Variants in NUDCD3 observed in about 807,000 individuals in gnomAD.
NUDCD3 encodes NudC domain containing 3.
In NUDCD3, 13 loss-of-function variants were observed where a neutral mutation model predicts 39.7. The ratio of observed to expected loss-of-function variants is 0.33; its 90% CI spans 0.21 to 0.52. The LOEUF is 0.52. Ranked by LOEUF, NUDCD3 falls within the 20% of genes least tolerant of loss-of-function variation. NUDCD3 has a pLI of 0.96. For missense variants in NUDCD3, 453 were observed against 458.1 expected (o/e 0.99, Z 0.10); for synonymous variants, 175 against 172.4 (o/e 1.02, Z -0.12).
chr7:44,407,426 G>A (rs767372114), intron 3 of NUDCD3, among the ~76,000 whole-genome samples: 4 of 151,770 alleles, frequency 2.6e-5, no homozygotes, highest in Non-Finnish European at 4.4e-5. Context: ...TTAGCCAGGC[G>A]TGGTGTTGTA....
At chr7:44,435,322 C>A (rs1182838381) in intron 2 of NUDCD3, among the ~76,000 whole-genome samples, 1 of 152,180 alleles carries the variant, frequency 6.6e-6, no homozygotes, top group African/African-American at 2.4e-5. Context: ...GTAAGCCTAG[C>A]CGTCTTCCTT....
At chr7:44,474,531 C>A (rs1353334508) in intron 2 of NUDCD3, among the ~76,000 whole-genome samples, 1 of 152,156 alleles carries the variant, frequency 6.6e-6, no homozygotes, top group Non-Finnish European at 1.5e-5. Flanking sequence ...GGGAAAAACT[C>A]CACAGATGAT....
intron 2 of NUDCD3, among the ~76,000 whole-genome samples, chr7:44,430,558 A>C (rs1258609321): frequency 7.7e-5 from 11 of 142,216 alleles, no homozygotes; most frequent in African/African-American, 2.8e-4. Context: ...AAATACCCAC[A>C]CACACACACA....
chr7:44,490,398 G>A lies in NUDCD3; in HGVS notation c.192+11C>T. ...CGGCGGCTCCCCAGACCGCAGGCCC[G>A]CCCGCCTCACCTGCAGCACCAAGGC... On this transcript the variant is annotated intron_variant, in intron 1 of 5. Coordinates refer to ENST00000355451, the MANE Select transcript of NUDCD3 (RefSeq NM_015332.4). 1.3e-6 allele frequency: 2 copies of A among 1,536,422 alleles called. No homozygotes were observed. Among genetic ancestry groups the A allele is most frequent in the South Asian group, 1.2e-5 (1 of 83,128 alleles).
chr7:44,427,315 C>T (rs1799255125), intron 3 of NUDCD3, among the ~76,000 whole-genome samples: 1 of 152,140 alleles, frequency 6.6e-6, no homozygotes, highest in Non-Finnish European at 1.5e-5. Flanking sequence ...GTGTGGGCTT[C>T]TCTCTCAGGA....
intron 2 of NUDCD3, among the ~76,000 whole-genome samples, chr7:44,482,554 C>T (rs939106570): frequency 1.3e-5 from 2 of 152,148 alleles, no homozygotes; most frequent in Non-Finnish European, 2.9e-5. Context: ...TCCATCTCTA[C>T]AATCAATTGA....
rs934793939 is a variant in NUDCD3 at position 44,490,233 on chromosome 7, C to T, written c.192+176G>A. ...AGGACGTCCGGAGCGAACACCTCAG[C>T]GGAATAAGCTGACATCCAATCCGCG... On this transcript the variant is annotated intron_variant, in intron 1 of 5. Transcript: ENST00000355451. 15 of 632,656 alleles carry T rather than the reference C, an allele frequency of 2.4e-5. No homozygotes were observed. In the African/African-American group the frequency reaches 2.5e-4, roughly 11 times the overall value. 39.2% of individuals were successfully genotyped at this position (632,656 alleles called of 1,614,324 possible).
intron 3 of NUDCD3, among the ~76,000 whole-genome samples, chr7:44,407,580 A>C (rs951917231): frequency 6.6e-6 from 1 of 151,532 alleles, no homozygotes; most frequent in Admixed American, 6.6e-5. Flanking sequence ...AAAAAAAAAA[A>C]AAAAAACTAG....
chr7:44,399,689 G>A (rs533740357), intron 4 of NUDCD3, among the ~76,000 whole-genome samples: 7 of 152,230 alleles, frequency 4.6e-5, no homozygotes, highest in Admixed American at 1.3e-4. Context: ...TAATGTCATC[G>A]GCGACACTCC....
In NUDCD3 at chr7:44,490,602, T is replaced by G; in HGVS notation, c.-2A>C. 6.2e-7 allele frequency: 1 copy of G among 1,603,272 alleles called. No homozygotes were observed. Among genetic ancestry groups the G allele is most frequent in the Non-Finnish European group, 8.5e-7 (1 of 1,175,136 alleles). On this transcript the variant is annotated 5_prime_UTR_variant, in exon 1 of 6. Coordinates refer to ENST00000355451, the MANE Select transcript of NUDCD3 (RefSeq NM_015332.4). Reference sequence around the variant, plus strand: ...CAGCTCGGCCGCCCCTGTCTCCATGTCGCCTCCCGCCCTAGGTACGCTTCA... The same window carrying G: ...CAGCTCGGCCGCCCCTGTCTCCATGGCGCCTCCCGCCCTAGGTACGCTTCA...
intron 2 of NUDCD3, among the ~76,000 whole-genome samples, chr7:44,463,915 C>T (rs1191375853): frequency 6.6e-6 from 1 of 151,694 alleles, no homozygotes; most frequent in East Asian, 1.9e-4. Context: ...TATGAGGGAC[C>T]AAAAGAATCA....
chr7:44,405,178 C>T (rs553186573), intron 3 of NUDCD3, among the ~76,000 whole-genome samples: 4 of 152,330 alleles, frequency 2.6e-5, no homozygotes, highest in South Asian at 2.1e-4. Context: ...CAATATACCA[C>T]CAACACTCGC....
At chr7:44,454,936 AACACACACAC>A (rs10539692) in intron 2 of NUDCD3, among the ~76,000 whole-genome samples, 5 of 143,322 alleles carry the variant, frequency 3.5e-5, no homozygotes, top group African/African-American at 5.1e-5. Flanking sequence ...CCTGTCTCAA[AACACACACAC>A]ACACACACAC....
At chr7:44,403,284 A>G (rs1468853158) in intron 4 of NUDCD3, among the ~76,000 whole-genome samples, 2 of 152,212 alleles carry the variant, frequency 1.3e-5, no homozygotes, top group Non-Finnish European at 2.9e-5. Context: ...TCCAAGCCCC[A>G]TTGCTGGAAA....
intron 2 of NUDCD3, among the ~76,000 whole-genome samples, chr7:44,457,083 A>G (rs1461638323): frequency 1.3e-5 from 2 of 152,138 alleles, no homozygotes; most frequent in Non-Finnish European, 2.9e-5. Context: ...TCCCAGGCAA[A>G]TCAAGGAAGT....
chr7:44,419,433 C>T (rs1585066489), intron 3 of NUDCD3, among the ~76,000 whole-genome samples: 1 of 152,208 alleles, frequency 6.6e-6, no homozygotes, highest in South Asian at 2.1e-4. Flanking sequence ...TTCTTGCCTG[C>T]CAGCTTTGAA....
At chr7:44,459,558 A>G (rs184875516) in intron 2 of NUDCD3, among the ~76,000 whole-genome samples, 1 of 152,346 alleles carries the variant, frequency 6.6e-6, no homozygotes, top group Non-Finnish European at 1.5e-5. Context: ...TTTTAATCAG[A>G]AGAAAATTGA....
intron 2 of NUDCD3, chr7:44,467,776 T>C: frequency 1.5e-6 from 1 of 684,234 alleles, no homozygotes; most frequent in Non-Finnish European, 2.5e-6. Context: ...CCTTTAATTG[T>C]TATCACCCTA....
At chr7:44,451,661 A>G (rs1799796123) in intron 2 of NUDCD3, among the ~76,000 whole-genome samples, 1 of 152,140 alleles carries the variant, frequency 6.6e-6, no homozygotes, top group African/African-American at 2.4e-5. Context: ...GGGGGTCCGA[A>G]GAAACTTCTG....
Sources: gnomAD v4.1 joint callset for allele counts (sites outside exome capture counted in the v4.1 genomes callset) on GRCh38, gnomAD v4.1.1 for gene constraint, MANE v1.5 for transcripts, NCBI Gene and HGNC (gene_info 2026-07-23, HGNC 2026-07-21) for gene names.